The following FARP1 variants were observed in gnomAD, a reference collection of about 807,000 sequenced individuals.
The protein encoded by FARP1 is FERM, ARHGEF and pleckstrin domain-containing protein 1.
FARP1 carries 52 observed loss-of-function variants against 128.8 expected under a neutral mutation model. That is an observed-to-expected ratio of 0.40 (90% CI 0.32 to 0.51). The LOEUF is 0.51. FARP1 is among the 20% of genes least tolerant of loss of function. FARP1 has a pLI of 0.45. For synonymous variants in FARP1, 580 were observed against 551.8 expected (o/e 1.05, Z -0.72); for missense variants, 1,333 against 1,367.9 (o/e 0.97, Z 0.40).
chr13:98,179,051 T>C (rs549136564), intron 1 of FARP1, among the ~76,000 whole-genome samples: 5 of 152,342 alleles, frequency 3.3e-5, no homozygotes, highest in Admixed American at 6.5e-5. Flanking sequence ...CCCCCAGATG[T>C]TGGTGTCCAT....
rs185916627 is a variant in FARP1, at chr13:98,286,552, A to G, written c.172-57210A>G. ...TCTTGTCTGCCGCCATGTGAGACAT[A>G]CCTTTCACCTTCTGCCATAATTTTG... is the stretch of plus-strand genomic sequence containing the variant. On this transcript the variant is annotated intron_variant, in intron 2 of 26. Coordinates refer to ENST00000319562, the MANE Select transcript of FARP1 (RefSeq NM_005766.4). Among the ~76,000 whole-genome samples, 1,456 of 152,204 alleles carry G rather than the reference A, an allele frequency of 9.6e-3. 20 individuals are homozygous for G. The highest frequency in any genetic ancestry group is 0.033 in the African/African-American group (1,362 of 41,526).
chr13:98,377,752 T>G (rs1327041805), intron 5 of FARP1, 69 bp from the exon 6 acceptor site: 3 of 1,129,740 alleles, frequency 2.7e-6, no homozygotes, highest in Admixed American at 3.4e-5. Flanking sequence ...TGGCCTCTCA[T>G]GGTGAGGCCA....
At position 98,368,202 on chromosome 13, in the gene FARP1, G is replaced by C. The variant is rs199611920; in HGVS notation, c.398+7G>C. The stretch of plus-strand genomic sequence containing the variant: ...TCCAAGAAGAACTCACAAGGTTAGT[G>C]GTTTGGAAACTGTGTATTTTTTGCT... On this transcript the variant is annotated splice_region_variant and intron_variant, in intron 5 of 26. Coordinates refer to ENST00000319562, the MANE Select transcript of FARP1 (RefSeq NM_005766.4). The C allele has an allele frequency of 6.0e-5, 97 of 1,609,408 alleles. 1 individual carries two copies. Among genetic ancestry groups the C allele is most frequent in the Non-Finnish European group, 8.0e-5 (94 of 1,176,112 alleles).
intron 15 of FARP1, 77 bp from the exon 16 acceptor site, chr13:98,411,824 A>C: frequency 6.6e-7 from 1 of 1,517,864 alleles, no homozygotes; most frequent in Non-Finnish European, 9.0e-7. Context: ...ATTTGGCTGC[A>C]TGTGACTTCT....
At chr13:98,268,998 C>T (rs1884268483) in intron 2 of FARP1, among the ~76,000 whole-genome samples, 1 of 152,144 alleles carries the variant, frequency 6.6e-6, no homozygotes, top group South Asian at 2.1e-4. Context: ...TCCCAAAGTT[C>T]TGGGATTACA....
chr13:98,149,204 CCTCT>C (rs1293478769), intron 1 of FARP1, among the ~76,000 whole-genome samples: 1 of 151,850 alleles, frequency 6.6e-6, no homozygotes, highest in African/African-American at 2.4e-5. Flanking sequence ...TAGTTTTATT[CCTCT>C]CTCTCTTCTT....
chr13:98,258,704 A>G (rs1156591776), intron 2 of FARP1, among the ~76,000 whole-genome samples: 1 of 152,068 alleles, frequency 6.6e-6, no homozygotes, highest in Admixed American at 6.6e-5. Flanking sequence ...GGGGAAAAAA[A>G]AAAGCCAAGG....
At chr13:98,313,887 G>C (rs1594390199) in intron 2 of FARP1, among the ~76,000 whole-genome samples, 1 of 152,326 alleles carries the variant, frequency 6.6e-6, no homozygotes, top group South Asian at 2.1e-4. Context: ...TTTTAGGAAA[G>C]ACTAGACTTC....
intron 2 of FARP1, among the ~76,000 whole-genome samples, chr13:98,225,498 C>G (rs969028561): frequency 1.3e-5 from 2 of 152,188 alleles, no homozygotes; most frequent in African/African-American, 4.8e-5. Context: ...CTCTGCACTC[C>G]CTCATGAAAC....
At chr13:98,186,659 C>T (rs1174429824) in intron 1 of FARP1, among the ~76,000 whole-genome samples, 1 of 151,988 alleles carries the variant, frequency 6.6e-6, no homozygotes, top group Non-Finnish European at 1.5e-5. Flanking sequence ...TTTTGTTTAT[C>T]CATCTATTTG....
chr13:98,319,713 T>C (rs1187244119), intron 2 of FARP1, among the ~76,000 whole-genome samples: 1 of 152,252 alleles, frequency 6.6e-6, no homozygotes, highest in African/African-American at 2.4e-5. Context: ...ATGTGGATTC[T>C]TATTTTGTCA....
At chr13:98,404,894 A>AT (rs1555292408) in intron 13 of FARP1, 2 of 152,130 alleles carry the variant, frequency 1.3e-5, no homozygotes, top group Non-Finnish European at 2.9e-5. Flanking sequence ...TTGGATTACT[A>AT]TTTTTTTAGT....
chr13:98,435,110 C>T (rs1281767116), intron 18 of FARP1: 1 of 153,370 alleles, frequency 6.5e-6, no homozygotes, highest in Non-Finnish European at 1.5e-5. Flanking sequence ...TGTTAGTTAC[C>T]TGGAATATAC....
At chr13:98,218,491 T>C (rs1457544061) in intron 2 of FARP1, among the ~76,000 whole-genome samples, 1 of 152,166 alleles carries the variant, frequency 6.6e-6, no homozygotes, top group African/African-American at 2.4e-5. Context: ...AAATTAACTT[T>C]TTGTGACTGT....
intron 2 of FARP1, among the ~76,000 whole-genome samples, chr13:98,280,702 C>G (rs954863669): frequency 9.8e-5 from 15 of 152,328 alleles, no homozygotes; most frequent in Admixed American, 5.2e-4. Context: ...TTCCAGAAAA[C>G]TCAACTGCCT....
intron 1 of FARP1, among the ~76,000 whole-genome samples, chr13:98,177,463 A>G (rs187386968): frequency 1.0e-3 from 151 of 149,378 alleles, no homozygotes; most frequent in Non-Finnish European, 2.0e-3. Context: ...CCTGGCCAAC[A>G]TAGCGAAACT....
intron 2 of FARP1, among the ~76,000 whole-genome samples, chr13:98,236,583 T>C (rs1882432803): frequency 6.6e-6 from 1 of 151,992 alleles, no homozygotes; most frequent in African/African-American, 2.4e-5. Flanking sequence ...ATGAACCTCA[T>C]AGCCAAGAAA....
At chr13:98,366,476 G>A (rs903249779) in intron 4 of FARP1, among the ~76,000 whole-genome samples, 15 of 152,216 alleles carry the variant, frequency 9.9e-5, no homozygotes, top group African/African-American at 3.6e-4. Flanking sequence ...ATGGGCCCAG[G>A]TAGCATAGAG....
At chr13:98,348,572 T>C (rs1206320903) in intron 3 of FARP1, among the ~76,000 whole-genome samples, 1 of 152,204 alleles carries the variant, frequency 6.6e-6, no homozygotes, top group Admixed American at 6.5e-5. Context: ...CTGGCTGAAG[T>C]TCAGGCCTGG....
Sources: gnomAD v4.1 joint callset for allele counts (sites outside exome capture counted in the v4.1 genomes callset) on GRCh38, gnomAD v4.1.1 for gene constraint, MANE v1.5 for transcripts, NCBI Gene and HGNC (gene_info 2026-07-23, HGNC 2026-07-21) for gene names.